Variants in DMD observed in about 807,000 individuals in gnomAD.
DMD encodes dystrophin, also known as mutant dystrophin.
In DMD, 63 loss-of-function variants were observed where a neutral mutation model predicts 330.1. The ratio of observed to expected loss-of-function variants is 0.19; its 90% CI spans 0.16 to 0.24. The LOEUF is 0.24. Among genes scored for constraint, DMD ranks in the 10% least tolerant of loss-of-function variants. The probability of loss-of-function intolerance (pLI) is 1.00; values close to 1 mark genes in which losing one functional copy is unlikely to be tolerated. For synonymous variants in DMD, 1,223 were observed against 959.8 expected, an observed-to-expected ratio of 1.27 and a Z score of -5.07; for missense variants, 3,344 against 2,684.1, an observed-to-expected ratio of 1.25 and a Z score of -5.43.
At chrX:31,273,789 CAG>C (rs1483240455) in intron 62 of DMD, among the ~76,000 whole-genome samples, 1 of 111,659 alleles carries the variant, frequency 9.0e-6, no homozygotes, top group Non-Finnish European at 1.9e-5. Context: ...GATAGAGGGG[CAG>C]AGTGTCCAGA....
At chrX:32,008,777 G>C (rs2095682975) in intron 44 of DMD, among the ~76,000 whole-genome samples, 1 of 111,592 alleles carries the variant, frequency 9.0e-6, no homozygotes, top group African/African-American at 3.3e-5. Flanking sequence ...AAGAGAAGCA[G>C]GATATCATAG....
chrX:31,480,554 T>TTG (rs60621342), intron 57 of DMD, among the ~76,000 whole-genome samples: 15,474 of 91,098 alleles, frequency 0.17, 1,295 homozygotes, highest in Non-Finnish European at 0.23. Flanking sequence ...ATCTCCATGT[T>TTG]TGTGTGTGTG....
At chrX:31,453,765 C>CAAAAAAAAA (rs760511403) in intron 59 of DMD, among the ~76,000 whole-genome samples, 4 of 8,970 alleles carry the variant, frequency 4.5e-4, no homozygotes, top group Admixed American at 2.4e-3. Context: ...AAAAAACAAG[C>CAAAAAAAAA]AAAAAAAAAA....
intron 18 of DMD, among the ~76,000 whole-genome samples, chrX:32,511,899 C>T (rs1440100159): frequency 1.8e-5 from 2 of 111,128 alleles, no homozygotes; most frequent in African/African-American, 3.3e-5. Flanking sequence ...GTTTAGAAGC[C>T]ACTACTCGGA....
At chrX:32,489,853 A>T (rs1177137000) in intron 20 of DMD, among the ~76,000 whole-genome samples, 1 of 111,872 alleles carries the variant, frequency 8.9e-6, no homozygotes, top group Non-Finnish European at 1.9e-5. Flanking sequence ...CATTGGTTCT[A>T]TTCTTAAATT....
intron 1 of DMD, among the ~76,000 whole-genome samples, chrX:33,062,201 T>C (rs2094589335): frequency 8.9e-6 from 1 of 111,998 alleles, no homozygotes; most frequent in South Asian, 3.7e-4. Flanking sequence ...CTTCCTTTCA[T>C]AAGGGCAAAT....
intron 60 of DMD, among the ~76,000 whole-genome samples, chrX:31,423,797 A>T (rs553949474): frequency 9.0e-6 from 1 of 111,641 alleles, no homozygotes; most frequent in South Asian, 3.8e-4. Context: ...AGGGACGGCA[A>T]ATTAGGCTCC....
intron 42 of DMD, among the ~76,000 whole-genome samples, chrX:32,294,396 GT>G (rs1280190825): frequency 2.5e-4 from 28 of 111,550 alleles, no homozygotes; most frequent in African/African-American, 7.8e-4. Flanking sequence ...AAGTTATCCA[GT>G]TATGGCTTTG....
intron 47 of DMD, among the ~76,000 whole-genome samples, chrX:31,909,710 C>A (rs928948238): frequency 9.0e-6 from 1 of 111,703 alleles, no homozygotes; most frequent in Admixed American, 9.5e-5. Context: ...AAGATTCATG[C>A]ATTTTTAAAA....
chrX:32,139,002 A>G (rs1010962843), intron 44 of DMD, among the ~76,000 whole-genome samples: 3 of 112,395 alleles, frequency 2.7e-5, no homozygotes, highest in African/African-American at 9.7e-5. Context: ...TTGGAAACCA[A>G]AAGAAAACAG....
At chrX:31,314,746 G>GAGAGAGAGAGAGAGAGAGAA (rs750879502) in intron 62 of DMD, among the ~76,000 whole-genome samples, 1,325 of 29,548 alleles carry the variant, frequency 0.045, 30 homozygotes, top group African/African-American at 0.077. Context: ...CATACACAGA[G>GAGAGAGAGAGAGAGAGAGAA]AGAGAGAGAG....
At chrX:32,844,670 C>A (rs1323628130) in intron 4 of DMD, 113 bp downstream of exon 4, 1 of 639,572 alleles carries the variant, frequency 1.6e-6, no homozygotes. Context: ...AAGAACTGGT[C>A]TGATTTACAA....
chrX:32,019,488 C>T (rs1477260125), intron 44 of DMD, among the ~76,000 whole-genome samples: 1 of 112,112 alleles, frequency 8.9e-6, no homozygotes, highest in African/African-American at 3.2e-5. Flanking sequence ...TATTACAGTG[C>T]ACTCCCAAAG....
chrX:32,649,856 T>C (rs759316320), intron 9 of DMD, among the ~76,000 whole-genome samples: 4 of 111,061 alleles, frequency 3.6e-5, no homozygotes, highest in African/African-American at 1.3e-4. Flanking sequence ...AGTTACCCCA[T>C]CTATAAAACA....
At chrX:31,979,195 C>T (rs927664313) in intron 44 of DMD, among the ~76,000 whole-genome samples, 4 of 111,315 alleles carry the variant, frequency 3.6e-5, no homozygotes, top group African/African-American at 1.3e-4. Context: ...CTGAGACCAC[C>T]GGTGCATACC....
chrX:32,258,582 A>C (rs1409698965), intron 43 of DMD, among the ~76,000 whole-genome samples: 2 of 110,583 alleles, frequency 1.8e-5, no homozygotes, highest in Non-Finnish European at 3.8e-5. Context: ...CAAACACCAC[A>C]TATTCTCACC....
chrX:31,374,463 A>C (rs1159434488), intron 60 of DMD, among the ~76,000 whole-genome samples: 1 of 109,526 alleles, frequency 9.1e-6, no homozygotes, highest in East Asian at 2.9e-4. Flanking sequence ...AAAATGTGGC[A>C]CATACGCACC....
chrX:32,098,685 T>C (rs959892044), intron 44 of DMD, among the ~76,000 whole-genome samples: 7 of 111,928 alleles, frequency 6.3e-5, no homozygotes, highest in African/African-American at 1.9e-4. Context: ...TCTCAGTAAA[T>C]TCAGTGCCAT....
chrX:31,253,339 C>G (rs1252425661), intron 63 of DMD, among the ~76,000 whole-genome samples: 1 of 111,887 alleles, frequency 8.9e-6, no homozygotes, highest in Admixed American at 9.5e-5. Flanking sequence ...AAGCAAGAGC[C>G]AAGGAAAGCT....
Sources: gnomAD v4.1 joint callset for allele counts (sites outside exome capture counted in the v4.1 genomes callset) on GRCh38, gnomAD v4.1.1 for gene constraint, MANE v1.5 for transcripts, NCBI Gene and HGNC (gene_info 2026-07-23, HGNC 2026-07-21) for gene names.